Variants in OR2L13 observed in about 807,000 individuals in gnomAD.
The protein encoded by OR2L13 is olfactory receptor 2L13.
OR2L13 carries 14 observed loss-of-function variants against 15.3 expected under a neutral mutation model. The ratio of observed to expected loss-of-function variants is 0.91; its 90% CI spans 0.60 to 1.43. The LOEUF is 1.43. OR2L13 is among the 40% of genes most tolerant of loss of function. The probability of loss-of-function intolerance (pLI) is 0.00; values close to 1 mark genes in which losing one functional copy is unlikely to be tolerated. For synonymous variants in OR2L13, 152 were observed against 142.9 expected (o/e 1.06, Z -0.45); for missense variants, 367 against 387.9 (o/e 0.95, Z 0.45).
the OR2L13 span, among the ~76,000 whole-genome samples, chr1:248,077,291 G>C: frequency 2.0e-5 from 3 of 152,188 alleles, no homozygotes; most frequent in Non-Finnish European, 4.4e-5. Context: ...AGGGATATTG[G>C]TCTAAAATTC....
At chr1:247,937,816 C>T in the OR2L13 span, among the ~76,000 whole-genome samples, 1 of 152,174 alleles carries the variant, frequency 6.6e-6, no homozygotes. Flanking sequence ...TTTATTATAG[C>T]ATGCCAACTA....
At chr1:248,099,829 T>A in exon 3 of OR2L13, 3 of 1,613,990 alleles carry the variant, frequency 1.9e-6, no homozygotes, top group Non-Finnish European at 2.5e-6. Context: ...GACACTGGGG[T>A]CCATCAACTC....
At chr1:248,036,388 G>A in the OR2L13 span, among the ~76,000 whole-genome samples, 1 of 151,964 alleles carries the variant, frequency 6.6e-6, no homozygotes, top group Non-Finnish European at 1.5e-5. Context: ...ATATTTATTT[G>A]GTGGATTTTA....
chr1:248,061,042 C>T, the OR2L13 span: 28 of 1,613,950 alleles, frequency 1.7e-5, no homozygotes, highest in South Asian at 9.9e-5. Flanking sequence ...GGCCTATGAT[C>T]GTTACATTGC....
chr1:247,990,611 C>T, the OR2L13 span: 2 of 1,547,626 alleles, frequency 1.3e-6, no homozygotes, highest in East Asian at 2.3e-5. Context: ...CTGCTCCTGA[C>T]ATCAATGGCC....
the OR2L13 span, chr1:248,003,499 T>G: frequency 2.5e-6 from 4 of 1,611,848 alleles, no homozygotes; most frequent in Admixed American, 6.7e-5. Context: ...TTCGTTGCAT[T>G]GCTATTTGCT....
the OR2L13 span, among the ~76,000 whole-genome samples, chr1:247,988,558 A>ATCTT: frequency 3.9e-5 from 6 of 152,084 alleles, no homozygotes; most frequent in East Asian, 1.2e-3. Context: ...GTGAGTGTAC[A>ATCTT]TCTTTGTGTG....
chr1:248,014,292 G>A, the OR2L13 span, among the ~76,000 whole-genome samples: 1 of 152,212 alleles, frequency 6.6e-6, no homozygotes, highest in East Asian at 1.9e-4. Flanking sequence ...CAGAATGAGA[G>A]TGGTTAAAAT....
At chr1:247,992,889 A>C in the OR2L13 span, among the ~76,000 whole-genome samples, 1 of 152,096 alleles carries the variant, frequency 6.6e-6, no homozygotes, top group South Asian at 2.1e-4. Flanking sequence ...GTGTGTGTAT[A>C]CAGAGCACTG....
chr1:247,997,532 G>A, the OR2L13 span, among the ~76,000 whole-genome samples: 1 of 151,986 alleles, frequency 6.6e-6, no homozygotes, highest in African/African-American at 2.4e-5. Flanking sequence ...TTCTATTTTA[G>A]TGGTTTAAAT....
chr1:248,007,578 G>T, the OR2L13 span, among the ~76,000 whole-genome samples: 2 of 152,320 alleles, frequency 1.3e-5, no homozygotes, highest in Non-Finnish European at 2.9e-5. Context: ...TCCCCTTGGT[G>T]GGGAAGTTAA....
chr1:248,027,119 G>T, the OR2L13 span, among the ~76,000 whole-genome samples: 6 of 152,246 alleles, frequency 3.9e-5, no homozygotes, highest in Admixed American at 3.3e-4. Flanking sequence ...AAGAGAATGA[G>T]TTCCTAGGGG....
the OR2L13 span, among the ~76,000 whole-genome samples, chr1:248,077,681 A>C: frequency 6.6e-6 from 1 of 152,226 alleles, no homozygotes; most frequent in African/African-American, 2.4e-5. Flanking sequence ...CCCATGAAGA[A>C]AAACTGTGTA....
the OR2L13 span, among the ~76,000 whole-genome samples, chr1:248,085,243 C>T: frequency 4.7e-4 from 72 of 151,764 alleles, 1 homozygote; most frequent in African/African-American, 1.7e-3. Context: ...CCCTCAGACT[C>T]ATTTTATTAA....
chr1:248,080,630 G>A, the OR2L13 span, among the ~76,000 whole-genome samples: 3 of 152,142 alleles, frequency 2.0e-5, no homozygotes, highest in Admixed American at 6.6e-5. Context: ...TGGCTGTATA[G>A]TCTTTGTGGT....
the OR2L13 span, among the ~76,000 whole-genome samples, chr1:247,987,747 G>C: frequency 6.6e-6 from 1 of 151,942 alleles, no homozygotes; most frequent in South Asian, 2.1e-4. Context: ...TCATGACACA[G>C]GCCACTGTCA....
At chr1:248,047,207 G>A in the OR2L13 span, among the ~76,000 whole-genome samples, 14 of 152,078 alleles carry the variant, frequency 9.2e-5, no homozygotes, top group Non-Finnish European at 1.8e-4. Context: ...ATGATTGTAG[G>A]GGGCAGCATT....
chr1:248,000,986 T>G, the OR2L13 span, among the ~76,000 whole-genome samples: 5 of 152,136 alleles, frequency 3.3e-5, no homozygotes, highest in Admixed American at 1.3e-4. Flanking sequence ...CACCGTTATT[T>G]CAGATTTACT....
the OR2L13 span, among the ~76,000 whole-genome samples, chr1:247,963,564 G>GA: frequency 6.6e-6 from 1 of 152,132 alleles, no homozygotes; most frequent in Non-Finnish European, 1.5e-5. Flanking sequence ...TGCTTGGGTT[G>GA]AAACTCCAGA....
Sources: allele counts gnomAD v4.1 joint callset (sites outside exome capture counted in the v4.1 genomes callset), GRCh38; gene constraint gnomAD v4.1.1; transcripts MANE v1.5; gene names NCBI Gene and HGNC (gene_info 2026-07-23, HGNC 2026-07-21).